The following GBP6 variants were observed in gnomAD, a reference collection of about 807,000 sequenced individuals.
GBP6 encodes the protein guanylate binding protein family member 6, also known as guanylate-binding protein 6.
GBP6 carries 54 observed loss-of-function variants against 61.5 expected under a neutral mutation model. That is an observed-to-expected ratio of 0.88 (90% CI 0.71 to 1.10). GBP6 has a LOEUF of 1.10. Among genes scored for constraint, GBP6 ranks in the 50% least tolerant of loss-of-function variants. The probability of loss-of-function intolerance (pLI) is 0.00; values close to 1 mark genes in which losing one functional copy is unlikely to be tolerated. For synonymous variants in GBP6, 255 were observed against 273.7 expected (o/e 0.93, Z 0.67); for missense variants, 748 against 752.8 (o/e 0.99, Z 0.07).
At chr1:89,376,304 G>A (rs759999745) in intron 3 of GBP6, among the ~76,000 whole-genome samples, 3 of 152,076 alleles carry the variant, frequency 2.0e-5, no homozygotes, top group Non-Finnish European at 2.9e-5. Context: ...ATTTTCCTTG[G>A]ATATATACAC....
chr1:89,384,543 G>A (rs1304299260), intron 10 of GBP6, among the ~76,000 whole-genome samples: 13 of 152,192 alleles, frequency 8.5e-5, no homozygotes, highest in Admixed American at 8.5e-4. Context: ...TATAAATAGG[G>A]TCGAAGCTGC....
intron 1 of GBP6, among the ~76,000 whole-genome samples, chr1:89,366,399 CT>C (rs1415275256): frequency 6.6e-6 from 1 of 152,142 alleles, no homozygotes; most frequent in African/African-American, 2.4e-5. Context: ...AGCCTGTATT[CT>C]CTAGAGTTTT....
At chr1:89,372,898 T>G (rs1335656665) in intron 3 of GBP6, among the ~76,000 whole-genome samples, 1 of 151,902 alleles carries the variant, frequency 6.6e-6, no homozygotes, top group South Asian at 2.1e-4. Context: ...TGGGAGAAAA[T>G]TTTTGCAATT....
At chr1:89,372,368 C>A (rs942855306) in intron 3 of GBP6, among the ~76,000 whole-genome samples, 8 of 152,126 alleles carry the variant, frequency 5.3e-5, no homozygotes, top group Admixed American at 2.6e-4. Flanking sequence ...CAGTCCTAAG[C>A]CAAAAGAACA....
intron 3 of GBP6, among the ~76,000 whole-genome samples, chr1:89,373,766 T>A (rs1300272330): frequency 6.6e-6 from 1 of 152,064 alleles, no homozygotes. Flanking sequence ...TATACATATG[T>A]AACAAACCTG....
Position 89,381,801 on chromosome 1 carries a change from G to C in GBP6, c.979G>C (p.Val327Leu), listed in dbSNP as rs369820127. The C allele has an allele frequency of 3.1e-6, 5 of 1,614,026 alleles. No homozygotes were observed. The South Asian group carries it at 4.4e-5, about 14-fold the overall frequency. The change falls in exon 7 of 11, where the codon GTG (valine) becomes CTG (leucine). Residue 327 changes from valine to leucine, a missense_variant. Val to Leu is a conservative substitution (Grantham distance 32). Transcript: ENST00000370456. The part of the protein sequence containing the change: ...TLAQRENSAA[V>L]QRAADYYSQQ... ...GGCCCAGCGTGAGAACTCAGCGGCC[G>C]TGCAGAGGGCAGCTGACTACTACAG...
intron 10 of GBP6, 34 bp downstream of exon 10, chr1:89,384,320 G>T: frequency 6.5e-7 from 1 of 1,545,188 alleles, no homozygotes; most frequent in Non-Finnish European, 8.7e-7. Flanking sequence ...AGGCCAGACG[G>T]TCCTCACCCA....
rs1321428474 is a variant in GBP6, at chr1:89,382,668, C to T, written c.1157C>T (p.Thr386Ile). 1 of 1,613,490 alleles carries T rather than the reference C, an allele frequency of 6.2e-7. No individual in the cohort carries two copies. Among genetic ancestry groups the T allele is most frequent in the Non-Finnish European group, 8.5e-7 (1 of 1,179,568 alleles). Residue 386 changes from threonine to isoleucine, a missense_variant, in exon 8 of 11, where the codon ACC (threonine) becomes ATC (isoleucine). Physicochemically the swap from Thr to Ile is moderately conservative, Grantham distance 89. Transcript: ENST00000370456. ...NQEFQKKFME[T>I]TMNKKGDFLL... ...CTCTCTACATTTCCCTTGCAGGAAA[C>T]CACAATGAATAAGAAGGGGGATTTC...
rs376414968 is a variant in GBP6 at position 89,385,492 on chromosome 1, A to G, written c.*23A>G. ...TAAGGATATTATAGATTGTACATAT[A>G]TGCTTTGGACTATTTTTGATCTGTA... On this transcript the variant is annotated 3_prime_UTR_variant, in exon 11 of 11. Coordinates refer to ENST00000370456, the MANE Select transcript of GBP6 (RefSeq NM_198460.3). 2 of 1,597,940 alleles carry G rather than the reference A, an allele frequency of 1.3e-6. No homozygotes were observed. Among genetic ancestry groups the G allele is most frequent in the East Asian group, 2.2e-5 (1 of 44,728 alleles).
chr1:89,379,236 T>C (rs1016227502), intron 5 of GBP6, among the ~76,000 whole-genome samples: 2 of 152,048 alleles, frequency 1.3e-5, no homozygotes, highest in African/African-American at 4.8e-5. Context: ...TCTCAGACTT[T>C]TAACAACCAG....
intron 3 of GBP6, among the ~76,000 whole-genome samples, chr1:89,371,855 G>T (rs1652653799): frequency 6.6e-6 from 1 of 152,140 alleles, no homozygotes; most frequent in Admixed American, 6.5e-5. Flanking sequence ...ATTCAATTAG[G>T]AAAAGAGGAA....
At chr1:89,378,906 T>C (rs1214041136) in intron 5 of GBP6, among the ~76,000 whole-genome samples, 1 of 152,226 alleles carries the variant, frequency 6.6e-6, no homozygotes, top group Non-Finnish European at 1.5e-5. Flanking sequence ...GCTTGTGATC[T>C]GTGTTTTGCC....
chr1:89,379,194 A>C (rs1652890666), intron 5 of GBP6, among the ~76,000 whole-genome samples: 1 of 152,136 alleles, frequency 6.6e-6, no homozygotes, highest in African/African-American at 2.4e-5. Flanking sequence ...GGTGTGTCAC[A>C]TGGTGAGAAA....
chr1:89,364,692 C>G (rs1298031195), intron 1 of GBP6, among the ~76,000 whole-genome samples: 1 of 150,066 alleles, frequency 6.7e-6, no homozygotes, highest in African/African-American at 2.5e-5. Context: ...GTGTTAGTTT[C>G]CCATAGGAAC....
chr1:89,386,992 G>C lies in GBP6; in HGVS notation c.*1523G>C, dbSNP rs562395281. Reference sequence around the variant, plus strand: ...AATGGACCAGCCATAGGGTTAAATGGGATGGGGAGAAAACAATCAAGTGAA... The same window carrying C: ...AATGGACCAGCCATAGGGTTAAATGCGATGGGGAGAAAACAATCAAGTGAA... On this transcript the variant is annotated 3_prime_UTR_variant, in exon 11 of 11. Transcript: ENST00000370456. 1.1e-3 allele frequency among the ~76,000 whole-genome samples: 166 copies of C among 152,288 alleles called. No individual in the cohort carries two copies. The highest frequency in any genetic ancestry group is 6.8e-3 in the Middle Eastern group (2 of 294).
Position 89,378,491 on chromosome 1 carries a change from A to C in GBP6, c.503A>C (p.Glu168Ala). The change falls in exon 5 of 11, where the codon GAG becomes GCG. Residue 168 changes from glutamate to alanine, a missense_variant. Glu to Ala is a moderately radical substitution (Grantham distance 107, BLOSUM62 -1). Transcript: ENST00000370456. ...PRPDGVEDST[E>A]FVSFFPDFLW... ...CCTGATGGAGTAGAAGATTCCACAG[A>C]GTTTGTGAGTTTCTTCCCAGACTTT... is the stretch of plus-strand genomic sequence containing the variant. The C allele has an allele frequency of 6.2e-7, 1 of 1,614,136 alleles. No homozygotes were observed. Among genetic ancestry groups the C allele is most frequent in the Non-Finnish European group, 8.5e-7 (1 of 1,179,996 alleles).
intron 3 of GBP6, among the ~76,000 whole-genome samples, chr1:89,375,554 A>G (rs1464543198): frequency 2.6e-5 from 4 of 152,284 alleles, no homozygotes; most frequent in East Asian, 1.9e-4. Context: ...AGACACATGC[A>G]TGCATAAGTT....
chr1:89,382,273 A>G (rs1357032816), intron 7 of GBP6, among the ~76,000 whole-genome samples: 1 of 152,156 alleles, frequency 6.6e-6, no homozygotes, highest in East Asian at 1.9e-4. Context: ...TGCATAGTTT[A>G]CCTTTCCCAG....
intron 1 of GBP6, among the ~76,000 whole-genome samples, chr1:89,366,617 A>G (rs1557535617): frequency 6.6e-6 from 1 of 152,214 alleles, no homozygotes; most frequent in East Asian, 1.9e-4. Flanking sequence ...TTTGACAGAT[A>G]AGTGGTTGCA....
Sources: gnomAD v4.1 joint callset for allele counts (sites outside exome capture counted in the v4.1 genomes callset) on GRCh38, gnomAD v4.1.1 for gene constraint, MANE v1.5 for transcripts, NCBI Gene and HGNC (gene_info 2026-07-23, HGNC 2026-07-21) for gene names.